ASIC2: variants seen among roughly 807,000 people sequenced by gnomAD.
The protein encoded by ASIC2 is acid-sensing ion channel 2.
A neutral mutation model predicts 57.3 loss-of-function variants in ASIC2; 25 were observed. The ratio of observed to expected loss-of-function variants is 0.44; its 90% CI spans 0.32 to 0.61. The LOEUF (loss-of-function observed/expected upper bound fraction) is 0.61, where lower values mean the gene tolerates loss of function less well. Ranked by LOEUF, ASIC2 falls within the 20% of genes least tolerant of loss-of-function variation. ASIC2 has a pLI of 0.06. For missense variants in ASIC2, 641 were observed against 738.1 expected (o/e 0.87, Z 1.52); for synonymous variants, 319 against 307.5 (o/e 1.04, Z -0.39).
At chr17:33,254,265 T>C (rs570967248) in intron 1 of ASIC2, among the ~76,000 whole-genome samples, 7 of 142,800 alleles carry the variant, frequency 4.9e-5, no homozygotes, top group Non-Finnish European at 1.1e-4. Flanking sequence ...CTATCAAACC[T>C]ATAATCCTCT....
intron 3 of ASIC2, among the ~76,000 whole-genome samples, chr17:33,032,742 C>A (rs2091889753): frequency 6.6e-6 from 1 of 152,198 alleles, no homozygotes; most frequent in South Asian, 2.1e-4. Context: ...GCCACTGTGA[C>A]TGGTCACACT....
chr17:34,080,109 T>A (rs1909822468), intron 1 of ASIC2, among the ~76,000 whole-genome samples: 1 of 152,224 alleles, frequency 6.6e-6, no homozygotes, highest in Admixed American at 6.5e-5. Flanking sequence ...TCAAGAGCTA[T>A]CCACCTAGCT....
At chr17:34,038,441 C>T in intron 1 of ASIC2, 1 of 1,612,334 alleles carries the variant, frequency 6.2e-7, no homozygotes. Context: ...TTTCTCATCT[C>T]TCCAGTTTTT....
chr17:33,261,271 A>G (rs557929371), intron 1 of ASIC2, among the ~76,000 whole-genome samples: 1 of 152,292 alleles, frequency 6.6e-6, no homozygotes, highest in African/African-American at 2.4e-5. Flanking sequence ...CTCACAATAA[A>G]CACTGTCTCC....
intron 1 of ASIC2, among the ~76,000 whole-genome samples, chr17:33,117,357 G>A (rs1037873249): frequency 1.3e-5 from 2 of 151,680 alleles, no homozygotes; most frequent in African/African-American, 4.9e-5. Context: ...TGTATTTTTA[G>A]TAGAGACAAG....
chr17:33,346,914 G>T (rs1401013816), intron 1 of ASIC2, among the ~76,000 whole-genome samples: 1 of 152,172 alleles, frequency 6.6e-6, no homozygotes, highest in Admixed American at 6.5e-5. Context: ...CCAGGAAAGA[G>T]CAATAGGAGG....
At chr17:33,678,245 T>G (rs1449694081) in intron 1 of ASIC2, among the ~76,000 whole-genome samples, 1 of 152,202 alleles carries the variant, frequency 6.6e-6, no homozygotes, top group Non-Finnish European at 1.5e-5. Context: ...CACAGTATAA[T>G]GTAAATGCAA....
At chr17:33,984,110 C>T (rs1225950196) in intron 1 of ASIC2, 1 of 152,328 alleles carries the variant, frequency 6.6e-6, no homozygotes, top group African/African-American at 2.4e-5. Context: ...CTTCCTTCCC[C>T]ATAACCCCTT....
At chr17:33,505,724 C>T (rs758202135) in intron 1 of ASIC2, among the ~76,000 whole-genome samples, 5 of 152,182 alleles carry the variant, frequency 3.3e-5, no homozygotes, top group South Asian at 2.1e-4. Flanking sequence ...CAGCACATCC[C>T]GATCTCTCTG....
chr17:34,037,792 C>T lies in ASIC2; in HGVS notation c.555+118186G>A, dbSNP rs565144391. On this transcript the variant is annotated intron_variant, in intron 1 of 9. Transcript: ENST00000359872. ...GGTAGGCCAAGCATCGTCGAATCAACGCCTTTGCTTCAGGTGTTACTACCG... is the reference window on the plus strand; with the variant it reads ...GGTAGGCCAAGCATCGTCGAATCAATGCCTTTGCTTCAGGTGTTACTACCG... 4.4e-5 allele frequency: 71 copies of T among 1,614,182 alleles called. No individual in the cohort carries two copies. The African/African-American group carries it at 6.8e-4, about 15-fold the overall frequency.
At chr17:33,040,973 G>C (rs1057267905) in intron 3 of ASIC2, among the ~76,000 whole-genome samples, 1 of 152,116 alleles carries the variant, frequency 6.6e-6, no homozygotes, top group Non-Finnish European at 1.5e-5. Context: ...CCTAGGATGC[G>C]TCAGGCACAG....
intron 1 of ASIC2, among the ~76,000 whole-genome samples, chr17:33,654,741 C>T (rs1326048310): frequency 2.0e-5 from 3 of 152,188 alleles, no homozygotes; most frequent in Non-Finnish European, 4.4e-5. Context: ...AAATGAAGTA[C>T]AATTCAGAAG....
At chr17:33,385,546 A>T (rs372297240) in intron 1 of ASIC2, among the ~76,000 whole-genome samples, 6 of 152,316 alleles carry the variant, frequency 3.9e-5, no homozygotes, top group African/African-American at 1.4e-4. Flanking sequence ...GCTCATTTTG[A>T]TCTGTTTAAT....
Position 33,464,530 on chromosome 17 carries a change from TTC to T in ASIC2, c.556-352465_556-352464del, listed in dbSNP as rs1365847590. Among the ~76,000 whole-genome samples the T allele has an allele frequency of 1.4e-4, 6 of 43,956 alleles. 1 individual carries two copies. In the South Asian group the frequency reaches 3.8e-3, roughly 27 times the overall value. 28.8% of individuals were successfully genotyped at this position (43,956 alleles called of 152,430 possible). A position where few individuals can be genotyped will look rare whatever the true frequency, so the allele number is the denominator to read the frequency against. ...TTTCTTTCTTTCTTTCTTTCTTTCT[TTC>T]TTTCTTTCTCTTTCTTTCTTTCTTT... On this transcript the variant is annotated intron_variant, in intron 1 of 9. Transcript: ENST00000359872.
intron 2 of ASIC2, among the ~76,000 whole-genome samples, chr17:33,094,287 C>A (rs2092169112): frequency 6.6e-6 from 1 of 152,128 alleles, no homozygotes; most frequent in African/African-American, 2.4e-5. Context: ...TGTGGGTTAG[C>A]TGCATGTCAC....
chr17:33,771,465 C>T (rs1911108232), intron 1 of ASIC2, among the ~76,000 whole-genome samples: 1 of 152,186 alleles, frequency 6.6e-6, no homozygotes, highest in South Asian at 2.1e-4. Flanking sequence ...ATCTCCTCCT[C>T]TTCCTTTGTA....
intron 1 of ASIC2, among the ~76,000 whole-genome samples, chr17:34,010,405 TG>T (rs1482582815): frequency 1.2e-4 from 18 of 152,304 alleles, no homozygotes; most frequent in Middle Eastern, 3.4e-3. Flanking sequence ...GGCTGTATCC[TG>T]GGTGCTCAAG....
chr17:33,518,832 T>C (rs1204736434), intron 1 of ASIC2, among the ~76,000 whole-genome samples: 2 of 152,130 alleles, frequency 1.3e-5, no homozygotes, highest in African/African-American at 4.8e-5. Flanking sequence ...TACTCTTTTT[T>C]TTTTTTGAGA....
intron 1 of ASIC2, among the ~76,000 whole-genome samples, chr17:33,512,726 C>T (rs976962811): frequency 6.6e-5 from 10 of 152,178 alleles, no homozygotes; most frequent in Admixed American, 5.2e-4. Context: ...GGCACTGCCT[C>T]CCATGCCAAC....
Sources: gnomAD v4.1 joint callset for allele counts (sites outside exome capture counted in the v4.1 genomes callset) on GRCh38, gnomAD v4.1.1 for gene constraint, MANE v1.5 for transcripts, NCBI Gene and HGNC (gene_info 2026-07-23, HGNC 2026-07-21) for gene names.